GORASP1: variants seen among roughly 807,000 people sequenced by gnomAD.
GORASP1 encodes the protein golgi reassembly stacking protein 1.
Under a neutral mutation model 37.7 loss-of-function variants are expected in GORASP1, and 31 were observed. That is an observed-to-expected ratio of 0.82 (90% confidence interval 0.62 to 1.11). The LOEUF is 1.11. Among genes scored for constraint, GORASP1 ranks in the 50% least tolerant of loss-of-function variants. GORASP1 has a pLI of 0.00. For synonymous variants in GORASP1, 204 were observed against 224.8 expected (o/e 0.91, Z 0.83); for missense variants, 476 against 560.7 (o/e 0.85, Z 1.53).
rs541148895 is a variant in GORASP1 at position 39,098,568 on chromosome 3, G to A, written c.1070-79C>T. On this transcript the variant is annotated intron_variant, in intron 8 of 8. Transcript: ENST00000319283. The surrounding 1 kb of genome is among the most constrained non-coding windows in gnomAD (Gnocchi z 4.7). ...GTTAGGGCCAGTAACCCCACCGACC[G>A]CTCCCCATTGCCACTCCAGGTTTGA... 3.3e-5 allele frequency: 50 copies of A among 1,526,510 alleles called. No individual in the cohort carries two copies. In the African/African-American group the frequency reaches 4.7e-4, roughly 14 times the overall value. The allele number at this position is 1,526,510 out of a possible 1,614,324, so 94.6% of individuals were successfully genotyped here. A position where few individuals can be genotyped will look rare whatever the true frequency, so the allele number is the denominator to read the frequency against.
Position 39,098,432 on chromosome 3 carries a change from G to A in GORASP1, c.1127C>T (p.Ala376Val), listed in dbSNP as rs777351727. The A allele has an allele frequency of 2.5e-6, 4 of 1,614,152 alleles. No individual in the cohort carries two copies. The South Asian group carries it at 4.4e-5, about 18-fold the overall frequency. ...AGGCAGGTGGTCCGCCTGGGCTTGG[G>A]CACCTGGGCTGTCCAGGAAGGAGAC... is the stretch of plus-strand genomic sequence containing the variant. The part of the protein sequence containing the change: ...FEVSFLDSPG[A>V]QAQADHLPQL... Residue 376 changes from alanine to valine, a missense_variant, in exon 9 of 9, where the codon GCC (alanine) becomes GTC (valine). Coordinates refer to ENST00000319283, the MANE Select transcript of GORASP1 (RefSeq NM_031899.4). This position sits in a 1 kb window ranked among gnomAD's most constrained non-coding sequence, Gnocchi z 4.7.
intron 1 of GORASP1, among the ~76,000 whole-genome samples, chr3:39,104,048 C>T (rs892873055): frequency 5.3e-5 from 8 of 152,154 alleles, no homozygotes; most frequent in Non-Finnish European, 1.2e-4. Flanking sequence ...CAGCCAGGTC[C>T]CAGCTTGCAC....
chr3:39,101,007 G>C lies in GORASP1; in HGVS notation c.435+9C>G. 1 of 1,614,150 alleles carries C rather than the reference G, an allele frequency of 6.2e-7. No individual in the cohort carries two copies. Among genetic ancestry groups the C allele is most frequent in the African/African-American group, 1.3e-5 (1 of 75,056 alleles). On this transcript the variant is annotated intron_variant, in intron 4 of 8. Transcript: ENST00000319283. ...GGGTCTGGGGAGGGGCAAATTGCGG[G>C]TTCCTCACCTCCTGGAGAATCTGGT...
chr3:39,099,259 G>C (rs534468677), intron 7 of GORASP1, 94 bp downstream of exon 7: 15 of 1,341,036 alleles, frequency 1.1e-5, no homozygotes, highest in Non-Finnish European at 1.5e-5. Flanking sequence ...CATGAGATAT[G>C]AGGGGTCAGC....
At chr3:39,107,159 G>A (rs760797424) in intron 1 of GORASP1, 12 of 536,268 alleles carry the variant, frequency 2.2e-5, no homozygotes, top group African/African-American at 2.1e-4. Context: ...AGTGCGTCCC[G>A]ACTGGTAGTG....
In GORASP1 at chr3:39,103,978, G is replaced by A. The variant is rs941205310; in HGVS notation, c.64-425C>T. On this transcript the variant is annotated intron_variant, in intron 1 of 8. Transcript: ENST00000319283. This position sits in a 1 kb window ranked among gnomAD's most constrained non-coding sequence, Gnocchi z 5.2. ...CCTGACGTGCAGTGGAAGTGGGCAGGCCTCGGGAGGGATACACCCAGGGCT... is the reference window on the plus strand; with the variant it reads ...CCTGACGTGCAGTGGAAGTGGGCAGACCTCGGGAGGGATACACCCAGGGCT... Among the ~76,000 whole-genome samples the A allele has an allele frequency of 1.3e-5, 2 of 152,190 alleles. No individual in the cohort carries two copies. The highest frequency in any genetic ancestry group is 1.3e-4 in the Admixed American group (2 of 15,282).
Position 39,100,774 on chromosome 3 carries a change from G to C in GORASP1, c.539C>G (p.Pro180Arg), listed in dbSNP as rs777554073. 1 of 1,614,032 alleles carries C rather than the reference G, an allele frequency of 6.2e-7. No individual in the cohort carries two copies. Among genetic ancestry groups the C allele is most frequent in the Non-Finnish European group, 8.5e-7 (1 of 1,179,992 alleles). ...SDSCREVTVT[P>R]NAAWGGEGSL... is the part of the protein sequence containing the mutation. ...GCCCTCTCCACCCCAGGCTGCGTTG[G>C]GAGTTACAGTCACCTCCCGGCAGGA... Residue 180 changes from proline (P) to arginine (R), a missense_variant, in exon 5 of 9, where the codon CCC (proline) becomes CGC (arginine). Physicochemically the swap from Pro to Arg is moderately radical, Grantham distance 103. Coordinates refer to ENST00000319283, the MANE Select transcript of GORASP1 (RefSeq NM_031899.4). This position sits in a 1 kb window ranked among gnomAD's most constrained non-coding sequence, Gnocchi z 4.6.
intron 1 of GORASP1, among the ~76,000 whole-genome samples, chr3:39,104,674 T>A (rs1025494781): frequency 6.6e-6 from 1 of 152,182 alleles, no homozygotes; most frequent in Non-Finnish European, 1.5e-5. Context: ...AACAAACCGC[T>A]GAGATCAAGG....
At chr3:39,101,951 G>A (rs1049292373) in intron 3 of GORASP1, among the ~76,000 whole-genome samples, 2 of 152,178 alleles carry the variant, frequency 1.3e-5, no homozygotes, top group African/African-American at 4.8e-5. Flanking sequence ...GGTCACTGAG[G>A]TTAAGATATC....
At chr3:39,101,198 G>T in intron 3 of GORASP1, 96 bp from the exon 4 acceptor site, 1 of 1,049,454 alleles carries the variant, frequency 9.5e-7, no homozygotes. Context: ...GTAGTGAGTG[G>T]GACACTTGTC....
At position 39,100,482 on chromosome 3, in the gene GORASP1, A is replaced by G. The variant is rs1253995369; in HGVS notation, c.588T>C (p.Tyr196=). Reference sequence around the variant, plus strand: ...GAGTTGGGATCCGGTGTAGATACCCATAGCCAATGCCACATCCCAGACTGC... The same window carrying G: ...GAGTTGGGATCCGGTGTAGATACCCGTAGCCAATGCCACATCCCAGACTGC... The part of the protein sequence containing the change: ...GEGSLGCGIG[Y]GYLHRIPTQP... Residue 196 remains tyrosine, a synonymous_variant, in exon 6 of 9, where the codon TAT becomes TAC. Transcript: ENST00000319283. The surrounding 1 kb of genome is among the most constrained non-coding windows in gnomAD (Gnocchi z 4.6). 1.9e-6 allele frequency: 3 copies of G among 1,583,412 alleles called. No homozygotes were observed. In the African/African-American group the frequency reaches 4.0e-5, roughly 21 times the overall value.
At chr3:39,106,800 C>T (rs2036159330) in intron 1 of GORASP1, among the ~76,000 whole-genome samples, 1 of 152,166 alleles carries the variant, frequency 6.6e-6, no homozygotes, top group Non-Finnish European at 1.5e-5. Flanking sequence ...TTCTAGGAAC[C>T]CCACTCCGTC....
chr3:39,100,838 TC>T lies in GORASP1; in HGVS notation c.474del (p.Lys159SerfsTer3), dbSNP rs2035653783. On this transcript the variant is annotated frameshift_variant, in exon 5 of 9. Coordinates refer to ENST00000319283, the MANE Select transcript of GORASP1 (RefSeq NM_031899.4). LOFTEE classifies it high-confidence loss of function. This position sits in a 1 kb window ranked among gnomAD's most constrained non-coding sequence, Gnocchi z 4.6. ...DFFTLIESHE[G>X]KPLKLMVYNS... ...TTATACACCATCAGCTTCAAGGGCT[TC>T]CCCTCATGAGACTCGATGAGCGTAA... is the stretch of plus-strand genomic sequence containing the variant. 6.2e-7 allele frequency: 1 copy of T among 1,614,152 alleles called. No homozygotes were observed. The highest frequency in any genetic ancestry group is 1.3e-5 in the African/African-American group (1 of 75,032).
Position 39,102,942 on chromosome 3 carries a change from A to G in GORASP1, c.145-61T>C. On this transcript the variant is annotated intron_variant, in intron 2 of 8. Transcript: ENST00000319283. The surrounding 1 kb of genome is among the most constrained non-coding windows in gnomAD (Gnocchi z 5.0). ...CATGCCCAGGCTAGGACCCTCAGAC[A>G]AGTCTGGGCCTGAGATGGGGCAAGG... 6.6e-7 allele frequency: 1 copy of G among 1,515,704 alleles called. No individual in the cohort carries two copies. 93.9% of individuals were successfully genotyped at this position (1,515,704 alleles called of 1,614,324 possible).
At position 39,102,629 on chromosome 3, in the gene GORASP1, G is replaced by C; in HGVS notation, c.348+49C>G. Reference sequence around the variant, plus strand: ...CCCGCCCACACCCAGACCTGCCCCAGTAAACTCATCCTTCCGACACACCCT... The same window carrying C: ...CCCGCCCACACCCAGACCTGCCCCACTAAACTCATCCTTCCGACACACCCT... On this transcript the variant is annotated intron_variant, in intron 3 of 8. Transcript: ENST00000319283. The surrounding 1 kb of genome is among the most constrained non-coding windows in gnomAD (Gnocchi z 5.0). The C allele has an allele frequency of 6.3e-7, 1 of 1,596,826 alleles. No homozygotes were observed. Among genetic ancestry groups the C allele is most frequent in the Non-Finnish European group, 8.6e-7 (1 of 1,166,038 alleles).
Position 39,098,712 on chromosome 3 carries a change from G to A in GORASP1, c.1069+29C>T. ...TCCCAACAACCCGGGGTCCTTCCCAGAGGACTTCGGAAGGTGATGGCCACT... is the reference window on the plus strand; with the variant it reads ...TCCCAACAACCCGGGGTCCTTCCCAAAGGACTTCGGAAGGTGATGGCCACT... On this transcript the variant is annotated intron_variant, in intron 8 of 8. Transcript: ENST00000319283. The surrounding 1 kb of genome is among the most constrained non-coding windows in gnomAD (Gnocchi z 4.7). 3 of 1,610,054 alleles carry A rather than the reference G, an allele frequency of 1.9e-6. No individual in the cohort carries two copies. Among genetic ancestry groups the A allele is most frequent in the Non-Finnish European group, 2.5e-6 (3 of 1,177,770 alleles).
Position 39,102,678 on chromosome 3 carries a change from C to G in GORASP1, c.348G>C (p.Leu116=), listed in dbSNP as rs975573553. ...RRASEQVWHV[L]DVEPSSPAAL... ...CTGCCCTGCCATACCCCACACTCACCAGCACATGCCACACCTGCTCACTGG... is the reference window on the plus strand; with the variant it reads ...CTGCCCTGCCATACCCCACACTCACGAGCACATGCCACACCTGCTCACTGG... The change falls in exon 3 of 9, where the codon CTG becomes CTC. Residue 116 remains leucine (L), a splice_region_variant and synonymous_variant. Coordinates refer to ENST00000319283, the MANE Select transcript of GORASP1 (RefSeq NM_031899.4). The surrounding 1 kb of genome is among the most constrained non-coding windows in gnomAD (Gnocchi z 5.0). 5 of 1,614,126 alleles carry G rather than the reference C, an allele frequency of 3.1e-6. No individual in the cohort carries two copies. Among genetic ancestry groups the G allele is most frequent in the Non-Finnish European group, 4.2e-6 (5 of 1,180,008 alleles).
rs2035978064 is a variant in GORASP1, at chr3:39,105,398, G to C, written c.64-1845C>G. On this transcript the variant is annotated intron_variant, in intron 1 of 8. Transcript: ENST00000319283. This position sits in a 1 kb window ranked among gnomAD's most constrained non-coding sequence, Gnocchi z 5.4. Reference sequence around the variant, plus strand: ...AGTGATCACAACTTACACTTACTAAGGGCTGGTTGGCTGAGTGCCAGGGCA... The same window carrying C: ...AGTGATCACAACTTACACTTACTAACGGCTGGTTGGCTGAGTGCCAGGGCA... Among the ~76,000 whole-genome samples the C allele has an allele frequency of 6.6e-6, 1 of 152,074 alleles. No individual in the cohort carries two copies. Among genetic ancestry groups the C allele is most frequent in the Non-Finnish European group, 1.5e-5 (1 of 68,008 alleles).
rs1251543345 is a variant in GORASP1 at position 39,097,806 on chromosome 3, G to GTA, written c.*428_*429dup. 3 of 162,710 alleles carry GTA rather than the reference G, an allele frequency of 1.8e-5. No individual in the cohort carries two copies. Among genetic ancestry groups the GTA allele is most frequent in the Non-Finnish European group, 1.3e-5 (1 of 75,488 alleles). 10.1% of individuals were successfully genotyped at this position (162,710 alleles called of 1,614,324 possible). A position where few individuals can be genotyped will look rare whatever the true frequency, so the allele number is the denominator to read the frequency against. On this transcript the variant is annotated 3_prime_UTR_variant, in exon 9 of 9. Coordinates refer to ENST00000319283, the MANE Select transcript of GORASP1 (RefSeq NM_031899.4). ...ATCAGCCTGAGCCAAGTGTAGCATT[G>GTA]TAGCCTAGGGACAAGGACACATGAC... is the stretch of plus-strand genomic sequence containing the variant.
Sources: allele counts gnomAD v4.1 joint callset (sites outside exome capture counted in the v4.1 genomes callset), GRCh38; gene constraint gnomAD v4.1.1; non-coding constraint Gnocchi (gnomAD v3.1); transcripts MANE v1.5; gene names NCBI Gene and HGNC (gene_info 2026-07-23, HGNC 2026-07-21).